Variants in CNTNAP3 observed in about 807,000 individuals in gnomAD.
CNTNAP3 encodes contactin-associated protein-like 3.
In CNTNAP3, 36 loss-of-function variants were observed where a neutral mutation model predicts 92.1. The ratio of observed to expected loss-of-function variants is 0.39; its 90% CI spans 0.30 to 0.52. CNTNAP3 has a LOEUF of 0.52. Among genes scored for constraint, CNTNAP3 ranks in the 20% least tolerant of loss-of-function variants. The pLI is 0.76. For synonymous variants in CNTNAP3, 232 were observed against 422.3 expected (o/e 0.55, Z 5.53); for missense variants, 534 against 1,069.6 (o/e 0.50, Z 6.98).
chr9:39,248,603 TACA>T (rs1420983136), intron 2 of CNTNAP3, among the ~76,000 whole-genome samples: 5 of 22,798 alleles, frequency 2.2e-4, no homozygotes, highest in African/African-American at 4.2e-4. Flanking sequence ...CATTTTTTTT[TACA>T]TTTTACAACA....
chr9:39,153,705 C>T (rs1389371452), intron 9 of CNTNAP3, among the ~76,000 whole-genome samples: 1 of 51,374 alleles, frequency 1.9e-5, no homozygotes, highest in Non-Finnish European at 3.6e-5. Flanking sequence ...ACTACAGGCT[C>T]CCGCCACCAT....
intron 12 of CNTNAP3, among the ~76,000 whole-genome samples, chr9:39,136,968 G>T (rs1297532567): frequency 6.6e-6 from 1 of 151,994 alleles, no homozygotes; most frequent in African/African-American, 2.4e-5. Flanking sequence ...AGAGTTTTGG[G>T]GGCATTTCTC....
At chr9:39,110,960 C>T (rs1260939339) in intron 14 of CNTNAP3, among the ~76,000 whole-genome samples, 1 of 151,988 alleles carries the variant, frequency 6.6e-6, no homozygotes, top group Non-Finnish European at 1.5e-5. Context: ...CTTTTGTATG[C>T]ATTTGTGGCA....
At chr9:39,135,286 T>C (rs531100041) in intron 12 of CNTNAP3, among the ~76,000 whole-genome samples, 2,509 of 152,136 alleles carry the variant, frequency 0.016, 67 homozygotes, top group African/African-American at 0.057. Context: ...TTTTCTTTTT[T>C]ATTAGAGATA....
intron 18 of CNTNAP3, among the ~76,000 whole-genome samples, chr9:39,090,569 A>T (rs1826170953): frequency 6.6e-6 from 1 of 152,312 alleles, no homozygotes; most frequent in Non-Finnish European, 1.5e-5. Context: ...ATTTTATCCC[A>T]ATGAGCTATC....
At chr9:39,086,655 A>C in intron 20 of CNTNAP3, 61 bp downstream of exon 20, 1 of 1,522,508 alleles carries the variant, frequency 6.6e-7, no homozygotes, top group Non-Finnish European at 8.9e-7. Flanking sequence ...TTTTTTCATT[A>C]GATTATTTGT....
At chr9:39,109,347 C>A in intron 14 of CNTNAP3, 60 bp from the exon 15 acceptor site, 1 of 1,595,958 alleles carries the variant, frequency 6.3e-7, no homozygotes, top group Non-Finnish European at 8.5e-7. Context: ...GCAAAATTAA[C>A]TCTGATCTCT....
At chr9:39,136,235 A>C (rs1821433161) in intron 12 of CNTNAP3, among the ~76,000 whole-genome samples, 1 of 151,992 alleles carries the variant, frequency 6.6e-6, no homozygotes. Context: ...GCAATATTGT[A>C]AGTAGAACCA....
At chr9:39,105,016 T>A (rs541170197) in intron 15 of CNTNAP3, among the ~76,000 whole-genome samples, 1 of 152,328 alleles carries the variant, frequency 6.6e-6, no homozygotes, top group East Asian at 1.9e-4. Context: ...CTTCATCCAA[T>A]GGTTTTACAA....
intron 13 of CNTNAP3, among the ~76,000 whole-genome samples, chr9:39,119,226 T>C (rs879867808): frequency 2.6e-5 from 4 of 152,074 alleles, no homozygotes; most frequent in Admixed American, 2.6e-4. Flanking sequence ...GTTGTTACCA[T>C]TGGAATATGA....
At chr9:39,114,659 A>T (rs1820812149) in intron 14 of CNTNAP3, among the ~76,000 whole-genome samples, 1 of 152,126 alleles carries the variant, frequency 6.6e-6, no homozygotes, top group African/African-American at 2.4e-5. Context: ...ATAAAATCTA[A>T]TGTCTGGTTT....
intron 14 of CNTNAP3, among the ~76,000 whole-genome samples, chr9:39,113,092 C>T (rs913959874): frequency 5.9e-5 from 9 of 152,054 alleles, no homozygotes; most frequent in African/African-American, 2.2e-4. Context: ...GTCCTGTGCA[C>T]TGTAGGATGC....
chr9:39,091,171 C>CTTTTTTTTTTTTTTTTT (rs201329360), intron 18 of CNTNAP3, among the ~76,000 whole-genome samples: 1 of 128,500 alleles, frequency 7.8e-6, no homozygotes, highest in Admixed American at 8.0e-5. Flanking sequence ...TTTTCTTCTT[C>CTTTTTTTTTTTTTTTTT]TTTTTTTTTT....
rs1408011657 is a variant in CNTNAP3 at position 39,133,059 on chromosome 9, C to T, written c.1953G>A (p.Pro651=). ...VTLRGAPSGH[P]RSAVSFAYAA... ...CGTACGCGAAGGACACAGCCGAGCG[C>T]GGGTGCCCGCTGGGGGCACCTCGGA... Residue 651 remains proline (P), a synonymous_variant, in exon 13 of 24, where the codon CCG becomes CCA. Transcript: ENST00000297668. 2 of 1,556,650 alleles carry T rather than the reference C, an allele frequency of 1.3e-6. No individual in the cohort carries two copies. Among genetic ancestry groups the T allele is most frequent in the South Asian group, 1.2e-5 (1 of 85,624 alleles).
chr9:39,080,726 ATC>A (rs1825913540), intron 21 of CNTNAP3, among the ~76,000 whole-genome samples: 1 of 122,602 alleles, frequency 8.2e-6, no homozygotes, highest in Non-Finnish European at 1.7e-5. Flanking sequence ...CAGTGGCGCG[ATC>A]TCGGCTCACT....
At chr9:39,133,348 AC>A (rs978826446) in intron 12 of CNTNAP3, among the ~76,000 whole-genome samples, 6 of 152,128 alleles carry the variant, frequency 3.9e-5, no homozygotes, top group African/African-American at 1.4e-4. Flanking sequence ...TGATGACCAA[AC>A]TTTTGTGACG....
At position 39,133,143 on chromosome 9, in the gene CNTNAP3, G is replaced by C. The variant is rs1047287817; in HGVS notation, c.1877-8C>G. On this transcript the variant is annotated splice_polypyrimidine_tract_variant and splice_region_variant and intron_variant, in intron 12 of 23. Coordinates refer to ENST00000297668, the MANE Select transcript of CNTNAP3 (RefSeq NM_033655.5). ...CCGTCCACGCGGCGTCTGCTGAGCA[G>C]AAACGGGCAAAGGAGAGGCATCACT... The C allele has an allele frequency of 9.6e-6, 15 of 1,570,636 alleles. No homozygotes were observed. Among genetic ancestry groups the C allele is most frequent in the African/African-American group, 6.7e-5 (5 of 74,514 alleles).
In CNTNAP3 at chr9:39,068,922, A is replaced by G. The variant is rs1473202986; in HGVS notation, c.*4968T>C. Among the ~76,000 whole-genome samples the G allele has an allele frequency of 1.3e-5, 2 of 152,304 alleles. No homozygotes were observed. Among genetic ancestry groups the G allele is most frequent in the African/African-American group, 4.8e-5 (2 of 41,484 alleles). The stretch of plus-strand genomic sequence containing the variant: ...ATTTTGTCTGGTTTGAGGTTGTTTC[A>G]TGCAGGAGGGTTAGAGGGTAAATAT... On this transcript the variant is annotated 3_prime_UTR_variant, in exon 24 of 24. Coordinates refer to ENST00000297668, the MANE Select transcript of CNTNAP3 (RefSeq NM_033655.5).
intron 23 of CNTNAP3, among the ~76,000 whole-genome samples, chr9:39,076,258 T>C (rs2118367573): frequency 6.6e-6 from 1 of 152,426 alleles, no homozygotes; most frequent in Admixed American, 6.5e-5. Flanking sequence ...ACCCTGACAT[T>C]GTGTAAACGT....
Sources: gnomAD v4.1 joint callset for allele counts (sites outside exome capture counted in the v4.1 genomes callset) on GRCh38, gnomAD v4.1.1 for gene constraint, MANE v1.5 for transcripts, NCBI Gene and HGNC (gene_info 2026-07-23, HGNC 2026-07-21) for gene names.